Variants in THRA observed in about 807,000 individuals in gnomAD.
THRA encodes the protein EAR-7.
Under a neutral mutation model 45.0 loss-of-function variants are expected in THRA, and 13 were observed. That is an observed-to-expected ratio of 0.29 (90% CI 0.19 to 0.46). The LOEUF (loss-of-function observed/expected upper bound fraction) is 0.46. Ranked by LOEUF, THRA falls within the 20% of genes least tolerant of loss-of-function variation. The pLI is 1.00. For missense variants in THRA, 278 were observed against 556.1 expected, an observed-to-expected ratio of 0.50 and a Z score of 5.03; for synonymous variants, 195 against 214.0, an observed-to-expected ratio of 0.91 and a Z score of 0.78.
intron 4 of THRA, among the ~76,000 whole-genome samples, chr17:40,083,081 C>T (rs1324614609): frequency 1.3e-5 from 2 of 152,112 alleles, no homozygotes; most frequent in Non-Finnish European, 2.9e-5. Context: ...CGCCCACCAC[C>T]ATGCCCGGCT....
intron 1 of THRA, among the ~76,000 whole-genome samples, chr17:40,067,140 A>C (rs1986603708): frequency 1.3e-5 from 2 of 152,128 alleles, no homozygotes; most frequent in Non-Finnish European, 2.9e-5. Flanking sequence ...AAATTTTTGC[A>C]GCCTGGAATG....
chr17:40,086,676 G>T, intron 6 of THRA, 31 bp from the exon 7 acceptor site: 2 of 1,604,840 alleles, frequency 1.2e-6, no homozygotes, highest in Non-Finnish European at 1.7e-6. Flanking sequence ...AGGGGTCTGC[G>T]GCCCCAGCTG....
chr17:40,066,955 G>C (rs974784982), intron 1 of THRA, among the ~76,000 whole-genome samples: 1 of 148,368 alleles, frequency 6.7e-6, no homozygotes, highest in Non-Finnish European at 1.5e-5. Flanking sequence ...ATAACAAACT[G>C]TATATGTGAG....
chr17:40,062,955 C>G (rs1232166242), upstream of THRA: 2 of 150,430 alleles, frequency 1.3e-5, no homozygotes, highest in Non-Finnish European at 1.5e-5. Context: ...CCCCCGCCCC[C>G]CCCGCGCTCA....
Position 40,074,255 on chromosome 17 carries a change from C to G in THRA, c.-234C>G. 1.8e-6 allele frequency: 1 copy of G among 560,312 alleles called. No homozygotes were observed. 34.7% of individuals were successfully genotyped at this position (560,312 alleles called of 1,614,324 possible). ...CAGCACACAGCCCGGGACCCACAAA[C>G]CCAGCTTGCCCCCAGCCCTCCCACC... On this transcript the variant is annotated 5_prime_UTR_variant, in exon 2 of 9. Transcript: ENST00000450525.
At chr17:40,073,625 A>G (rs1316210962) in intron 1 of THRA, among the ~76,000 whole-genome samples, 1 of 152,126 alleles carries the variant, frequency 6.6e-6, no homozygotes, top group Non-Finnish European at 1.5e-5. Context: ...GGAGTCCCTG[A>G]GGGGCCAGAG....
At chr17:40,079,769 G>GA (rs1214727184) in intron 4 of THRA, among the ~76,000 whole-genome samples, 1 of 152,180 alleles carries the variant, frequency 6.6e-6, no homozygotes, top group Non-Finnish European at 1.5e-5. Context: ...TATAGATGAA[G>GA]AAACTGAGAC....
chr17:40,066,663 C>CAAAAAAAAAAA (rs553082902), intron 1 of THRA, among the ~76,000 whole-genome samples: 1 of 49,520 alleles, frequency 2.0e-5, no homozygotes. Flanking sequence ...GACTCCGTCT[C>CAAAAAAAAAAA]AAAAAAAAAA....
intron 1 of THRA, among the ~76,000 whole-genome samples, chr17:40,064,988 C>T (rs955531357): frequency 6.6e-6 from 1 of 152,132 alleles, no homozygotes; most frequent in Non-Finnish European, 1.5e-5. Flanking sequence ...AAATTTTTCC[C>T]CTTCAGCTTC....
In THRA at chr17:40,089,712, C is replaced by G; in HGVS notation, c.*256C>G. On this transcript the variant is annotated 3_prime_UTR_variant, in exon 9 of 9. Transcript: ENST00000450525. The surrounding 1 kb of genome is among the most constrained non-coding windows in gnomAD (Gnocchi z 6.1). ...TGGGGGAGCTGTGTCCTGCAGTTCC[C>G]AGGACCCCATCCTCTCAGAAGGTAG... 2.2e-6 allele frequency: 3 copies of G among 1,347,180 alleles called. No homozygotes were observed. The South Asian group carries it at 4.8e-5, about 22-fold the overall frequency. The allele number at this position is 1,347,180 out of a possible 1,614,324, so 83.5% of individuals were successfully genotyped here.
In THRA at chr17:40,089,706, A is replaced by G. The variant is rs1378848657; in HGVS notation, c.*250A>G. The G allele has an allele frequency of 7.3e-7, 1 of 1,360,926 alleles. No homozygotes were observed. The highest frequency in any genetic ancestry group is 9.5e-7 in the Non-Finnish European group (1 of 1,052,786). 84.3% of individuals were successfully genotyped at this position (1,360,926 alleles called of 1,614,324 possible). ...GGAGGCTGGGGGAGCTGTGTCCTGC[A>G]GTTCCCAGGACCCCATCCTCTCAGA... On this transcript the variant is annotated 3_prime_UTR_variant, in exon 9 of 9. Transcript: ENST00000450525. This position sits in a 1 kb window ranked among gnomAD's most constrained non-coding sequence, Gnocchi z 6.1.
Position 40,090,075 on chromosome 17 carries a change from G to A in THRA, c.*619G>A. The A allele has an allele frequency of 1.0e-6, 1 of 977,728 alleles. No individual in the cohort carries two copies. The highest frequency in any genetic ancestry group is 1.2e-6 in the Non-Finnish European group (1 of 822,534). 60.6% of individuals were successfully genotyped at this position (977,728 alleles called of 1,614,324 possible). A position where few individuals can be genotyped will look rare whatever the true frequency, so the allele number is the denominator to read the frequency against. ...AAAGAGAGAGCGAGCGATAGAGAGA[G>A]ATGATATTAAGTTATTAACTGAGGC... On this transcript the variant is annotated 3_prime_UTR_variant, in exon 9 of 9. Transcript: ENST00000450525.
chr17:40,093,226 G>A (rs759938259), downstream of THRA: 3 of 1,613,586 alleles, frequency 1.9e-6, no homozygotes, highest in Non-Finnish European at 2.5e-6. This position sits in a 1 kb window ranked among gnomAD's most constrained non-coding sequence, Gnocchi z 5.9. Context: ...CGAAGAGCCC[G>A]CAGCAGCGTC....
chr17:40,068,921 G>A (rs1211448557), intron 1 of THRA: 2 of 152,620 alleles, frequency 1.3e-5, no homozygotes, highest in Admixed American at 6.5e-5. Context: ...ATCCATGTGA[G>A]AGTGTTTTTG....
downstream of THRA, chr17:40,093,625 T>C (rs1315411917): frequency 5.8e-6 from 4 of 692,646 alleles, no homozygotes; most frequent in African/African-American, 7.2e-5. This position sits in a 1 kb window ranked among gnomAD's most constrained non-coding sequence, Gnocchi z 5.9. Flanking sequence ...GGCAACATCT[T>C]ACTTGTCCTT....
At chr17:40,066,251 A>G (rs1986559559) in intron 1 of THRA, among the ~76,000 whole-genome samples, 1 of 152,166 alleles carries the variant, frequency 6.6e-6, no homozygotes, top group Non-Finnish European at 1.5e-5. Context: ...ACTTCTCGCT[A>G]TGCTCCCCTC....
chr17:40,082,013 A>G (rs553743397), intron 4 of THRA, among the ~76,000 whole-genome samples: 2 of 152,184 alleles, frequency 1.3e-5, no homozygotes, highest in South Asian at 2.1e-4. Context: ...GTGAATCCCA[A>G]TGTAGAGAAT....
chr17:40,084,592 G>A lies in THRA; in HGVS notation c.371-18G>A. On this transcript the variant is annotated intron_variant, in intron 5 of 8. Coordinates refer to ENST00000450525, the MANE Select transcript of THRA (RefSeq NM_199334.5). ...TGGAGGGTGCCATGCGTTAGACCTT[G>A]TGCCTCTCTGTTCACAGTGGTTCTA... 1 of 1,613,430 alleles carries A rather than the reference G, an allele frequency of 6.2e-7. No homozygotes were observed.
At position 40,074,613 on chromosome 17, in the gene THRA, TA is replaced by T. The variant is rs1555543944; in HGVS notation, c.53+73del. 7.8e-6 allele frequency: 12 copies of T among 1,548,266 alleles called. No individual in the cohort carries two copies. The African/African-American group carries it at 1.6e-4, about 21-fold the overall frequency. On this transcript the variant is annotated intron_variant, in intron 2 of 8. Coordinates refer to ENST00000450525, the MANE Select transcript of THRA (RefSeq NM_199334.5). ...ATGGGCACCTGGCTGAGCTCTCCTTTAGGCACCGCCTTTAAGCACCTCTGTG... is the reference window on the plus strand; with the variant it reads ...ATGGGCACCTGGCTGAGCTCTCCTTTGGCACCGCCTTTAAGCACCTCTGTG...
Sources: gnomAD v4.1 joint callset for allele counts (sites outside exome capture counted in the v4.1 genomes callset) on GRCh38, gnomAD v4.1.1 for gene constraint, Gnocchi (gnomAD v3.1) non-coding constraint, MANE v1.5 for transcripts, NCBI Gene and HGNC (gene_info 2026-07-23, HGNC 2026-07-21) for gene names.